Variants in LRRC69 observed in about 807,000 individuals in gnomAD.
LRRC69 encodes the protein leucine rich repeat containing 69.
In LRRC69, 42 loss-of-function variants were observed where a neutral mutation model predicts 37.8. The ratio of observed to expected loss-of-function variants is 1.11; its 90% CI spans 0.87 to 1.44. LRRC69 has a LOEUF of 1.44. LRRC69 is among the 40% of genes most tolerant of loss of function. LRRC69 has a pLI of 0.00. For missense variants in LRRC69, 357 were observed against 401.9 expected, an observed-to-expected ratio of 0.89 and a Z score of 0.96; for synonymous variants, 141 against 143.1, an observed-to-expected ratio of 0.99 and a Z score of 0.11.
At chr8:91,130,089 AC>A (rs1358012135) in intron 3 of LRRC69, among the ~76,000 whole-genome samples, 1 of 151,934 alleles carries the variant, frequency 6.6e-6, no homozygotes, top group East Asian at 1.9e-4. Context: ...GTGAATTCTT[AC>A]CTCTCATAAG....
At chr8:91,110,866 A>C (rs958750653) in intron 1 of LRRC69, among the ~76,000 whole-genome samples, 1 of 152,064 alleles carries the variant, frequency 6.6e-6, no homozygotes, top group Non-Finnish European at 1.5e-5. Context: ...TAGAATAAAG[A>C]AAGCATGCAG....
chr8:91,196,356 G>A (rs1478968753), intron 6 of LRRC69, among the ~76,000 whole-genome samples: 1 of 151,624 alleles, frequency 6.6e-6, no homozygotes. Context: ...TATCTTTGTT[G>A]TGTTCTCTGT....
chr8:91,112,799 A>G (rs1813431703), intron 1 of LRRC69, among the ~76,000 whole-genome samples: 1 of 152,036 alleles, frequency 6.6e-6, no homozygotes, highest in African/African-American at 2.4e-5. Flanking sequence ...CTGTTTGCAA[A>G]TGACATGATC....
At chr8:91,127,700 CCTT>C (rs1359167629) in intron 3 of LRRC69, among the ~76,000 whole-genome samples, 1 of 149,830 alleles carries the variant, frequency 6.7e-6, no homozygotes, top group African/African-American at 2.4e-5. Context: ...AGAGCCTTGT[CCTT>C]CTGTAGGCAA....
chr8:91,205,671 G>C (rs1201710733), intron 7 of LRRC69: 1 of 152,044 alleles, frequency 6.6e-6, no homozygotes, highest in Non-Finnish European at 1.5e-5. Context: ...ATGTGAATTG[G>C]GAGACTAAAA....
chr8:91,159,616 A>G (rs1808901008), intron 5 of LRRC69, among the ~76,000 whole-genome samples: 1 of 151,254 alleles, frequency 6.6e-6, no homozygotes, highest in Non-Finnish European at 1.5e-5. Flanking sequence ...AAAAACATGC[A>G]TTTGACAAAT....
At chr8:91,197,491 C>T (rs57142380) in intron 6 of LRRC69, among the ~76,000 whole-genome samples, 2,748 of 151,968 alleles carry the variant, frequency 0.018, 66 homozygotes, top group African/African-American at 0.062. Context: ...TAGCAATCAG[C>T]GAGACTCCGT....
chr8:91,160,826 G>A (rs569098057), intron 5 of LRRC69, among the ~76,000 whole-genome samples: 1 of 151,244 alleles, frequency 6.6e-6, no homozygotes, highest in South Asian at 2.1e-4. Flanking sequence ...GAATAAGAGT[G>A]GTAAAAAATA....
chr8:91,192,806 C>A (rs1809523818), intron 6 of LRRC69, among the ~76,000 whole-genome samples: 1 of 149,868 alleles, frequency 6.7e-6, no homozygotes, highest in African/African-American at 2.4e-5. Context: ...TGCCTGTTCA[C>A]TCTGATAGTA....
At chr8:91,216,244 G>A (rs1810044903) in intron 7 of LRRC69, among the ~76,000 whole-genome samples, 1 of 152,068 alleles carries the variant, frequency 6.6e-6, no homozygotes, top group African/African-American at 2.4e-5. Flanking sequence ...CCCCAAGAAG[G>A]GGAAAGAGGG....
rs1017529847 is a variant in LRRC69, at chr8:91,112,245, T to C, written c.183+9401T>C. On this transcript the variant is annotated intron_variant, in intron 1 of 7. Coordinates refer to ENST00000448384, the Ensembl canonical transcript of LRRC69. The stretch of plus-strand genomic sequence containing the variant: ...AAGCCGTGATCACTCTGCATGTACC[T>C]GTGCTCCAGACCCAGCTCTGCGGCT... Among the ~76,000 whole-genome samples, 6 of 152,032 alleles carry C rather than the reference T, an allele frequency of 3.9e-5. 1 individual carries two copies. Among genetic ancestry groups the C allele is most frequent in the Admixed American group, 3.9e-4 (6 of 15,258 alleles).
At chr8:91,201,960 C>T (rs551967445) in intron 7 of LRRC69, among the ~76,000 whole-genome samples, 2 of 152,212 alleles carry the variant, frequency 1.3e-5, no homozygotes, top group African/African-American at 2.4e-5. Flanking sequence ...AATCCCAGCA[C>T]TTTGTGAAGT....
At chr8:91,198,588 G>A (rs1809659932) in intron 6 of LRRC69, among the ~76,000 whole-genome samples, 1 of 147,456 alleles carries the variant, frequency 6.8e-6, no homozygotes, top group African/African-American at 2.5e-5. Flanking sequence ...TAAGGAAAAT[G>A]TAGGACATAT....
At chr8:91,146,715 C>T (rs1183287039) in intron 5 of LRRC69, among the ~76,000 whole-genome samples, 3 of 151,784 alleles carry the variant, frequency 2.0e-5, no homozygotes, top group African/African-American at 7.2e-5. Flanking sequence ...ACATAACAAA[C>T]ATGATTGCTT....
intron 4 of LRRC69, among the ~76,000 whole-genome samples, chr8:91,135,124 CT>C (rs1240324709): frequency 6.6e-6 from 1 of 152,008 alleles, no homozygotes; most frequent in African/African-American, 2.4e-5. Context: ...ACATTGGAGT[CT>C]GAAAATCTCT....
At chr8:91,139,393 T>C (rs1011493515) in intron 5 of LRRC69, among the ~76,000 whole-genome samples, 1 of 151,848 alleles carries the variant, frequency 6.6e-6, no homozygotes, top group Admixed American at 6.6e-5. Context: ...TACAAAAAAA[T>C]TAGCAGGGCG....
At chr8:91,145,370 C>T (rs1171673349) in intron 5 of LRRC69, among the ~76,000 whole-genome samples, 2 of 151,882 alleles carry the variant, frequency 1.3e-5, no homozygotes, top group East Asian at 1.9e-4. Flanking sequence ...AGTTGGCTGC[C>T]TCATCCCCAT....
intron 7 of LRRC69, among the ~76,000 whole-genome samples, chr8:91,211,609 TATA>T: frequency 7.2e-6 from 1 of 138,862 alleles, no homozygotes; most frequent in African/African-American, 2.7e-5. Flanking sequence ...TATATATATA[TATA>T]TATATTTTTT....
At chr8:91,104,537 G>A (rs1045546614) in intron 1 of LRRC69, among the ~76,000 whole-genome samples, 1 of 151,636 alleles carries the variant, frequency 6.6e-6, no homozygotes, top group African/African-American at 2.4e-5. Flanking sequence ...TAGTTTTATG[G>A]TAGCCTCATT....
Sources: gnomAD v4.1 joint callset for allele counts (sites outside exome capture counted in the v4.1 genomes callset) on GRCh38, gnomAD v4.1.1 for gene constraint, MANE v1.5 for transcripts, NCBI Gene and HGNC (gene_info 2026-07-23, HGNC 2026-07-21) for gene names.